Variants in CLASP2 observed in about 807,000 individuals in gnomAD.
The protein encoded by CLASP2 is CLIP-associating protein 2.
Under a neutral mutation model 194.4 loss-of-function variants are expected in CLASP2, and 47 were observed. The ratio of observed to expected loss-of-function variants is 0.24; its 90% CI spans 0.19 to 0.31. CLASP2 has a LOEUF of 0.31. Ranked by LOEUF, CLASP2 falls within the 10% of genes least tolerant of loss-of-function variation. CLASP2 has a pLI of 1.00. For synonymous variants in CLASP2, 619 were observed against 633.5 expected, an observed-to-expected ratio of 0.98 and a Z score of 0.34; for missense variants, 1,445 against 1,823.6, an observed-to-expected ratio of 0.79 and a Z score of 3.78.
At chr3:33,562,107 T>G (rs1305021265) in intron 27 of CLASP2, among the ~76,000 whole-genome samples, 1 of 152,210 alleles carries the variant, frequency 6.6e-6, no homozygotes, top group Non-Finnish European at 1.5e-5. Context: ...ACATTTAAAC[T>G]GAGTTAAAAA....
chr3:33,595,617 T>G (rs1437335804), intron 19 of CLASP2, among the ~76,000 whole-genome samples: 6 of 152,092 alleles, frequency 3.9e-5, no homozygotes, highest in African/African-American at 1.4e-4. Context: ...TGTATTTTTT[T>G]TAAACATAGG....
At chr3:33,575,967 G>A (rs1044246323) in intron 24 of CLASP2, among the ~76,000 whole-genome samples, 1 of 152,140 alleles carries the variant, frequency 6.6e-6, no homozygotes, top group African/African-American at 2.4e-5. Flanking sequence ...TAGGCCATCA[G>A]TAATACTGGC....
intron 6 of CLASP2, among the ~76,000 whole-genome samples, chr3:33,672,889 A>G (rs1463387063): frequency 1.3e-5 from 2 of 152,304 alleles, no homozygotes; most frequent in Non-Finnish European, 2.9e-5. Context: ...GGAAGTTTAG[A>G]GAAAAAAGAA....
intron 7 of CLASP2, among the ~76,000 whole-genome samples, chr3:33,647,733 T>C (rs1217522324): frequency 6.6e-6 from 1 of 152,144 alleles, no homozygotes; most frequent in Non-Finnish European, 1.5e-5. Context: ...CTAGGCTAAC[T>C]ACTAAAAGAA....
chr3:33,530,759 C>T (rs967938639), intron 34 of CLASP2, among the ~76,000 whole-genome samples: 18 of 152,130 alleles, frequency 1.2e-4, no homozygotes, highest in Non-Finnish European at 2.4e-4. Context: ...CATGGCTGTA[C>T]ATCGGAATTA....
chr3:33,623,820 G>GTTTTAT (rs1322401540), intron 10 of CLASP2, among the ~76,000 whole-genome samples: 2 of 151,970 alleles, frequency 1.3e-5, no homozygotes, highest in Non-Finnish European at 2.9e-5. Context: ...TCATATTGTG[G>GTTTTAT]TTTTATTTTT....
rs530462971 is a variant in CLASP2 at position 33,581,821 on chromosome 3, C to T, written c.2347G>A (p.Gly783Ser). The stretch of plus-strand genomic sequence containing the variant: ...ACATAACACCTGCCCGAATACGTAC[C>T]GAGGGGCTGAAAAGAGCGAACAGGA... Reference protein sequence around the residue: ...TSPVRSFQPLGPGYGISQSSR... With the variant: ...TSPVRSFQPLSPGYGISQSSR... Residue 783 changes from glycine to serine, a missense_variant and splice_region_variant, in exon 23 of 39, where the codon GGT (glycine) becomes AGT (serine). Coordinates refer to ENST00000682230, the MANE Select transcript of CLASP2 (RefSeq NM_001365631.1). The T allele has an allele frequency of 2.2e-5, 35 of 1,610,528 alleles. No individual in the cohort carries two copies. The highest frequency in any genetic ancestry group is 2.7e-5 in the African/African-American group (2 of 74,956).
Position 33,535,399 on chromosome 3 carries a change from T to C in CLASP2, c.3621A>G (p.Gln1207=). Residue 1207 remains glutamine, a synonymous_variant, in exon 34 of 39, where the codon CAA becomes CAG. Coordinates refer to ENST00000682230, the MANE Select transcript of CLASP2 (RefSeq NM_001365631.1). ...ATGAAGCTTTATTATCAAGAGCTGTTTGACTTGAGTCAGTAGCATCACCTC... is the reference window on the plus strand; with the variant it reads ...ATGAAGCTTTATTATCAAGAGCTGTCTGACTTGAGTCAGTAGCATCACCTC... ...RAGGDATDSS[Q]TALDNKASLL... is the part of the protein sequence containing the mutation. 1 of 1,613,986 alleles carries C rather than the reference T, an allele frequency of 6.2e-7. No homozygotes were observed. The highest frequency in any genetic ancestry group is 8.5e-7 in the Non-Finnish European group (1 of 1,179,886).
chr3:33,622,709 CA>C (rs1361746367), intron 10 of CLASP2, among the ~76,000 whole-genome samples: 16 of 152,098 alleles, frequency 1.1e-4, no homozygotes, highest in African/African-American at 3.6e-4. Context: ...AGTGCATTCA[CA>C]ATGTTGTGTG....
intron 34 of CLASP2, among the ~76,000 whole-genome samples, chr3:33,527,430 T>C (rs1295615630): frequency 2.0e-5 from 3 of 152,184 alleles, no homozygotes; most frequent in Admixed American, 2.0e-4. Flanking sequence ...ACTGATTCCC[T>C]GAACAGACTA....
At chr3:33,525,886 C>A (rs542376091) in intron 34 of CLASP2, among the ~76,000 whole-genome samples, 1 of 152,324 alleles carries the variant, frequency 6.6e-6, no homozygotes, top group Non-Finnish European at 1.5e-5. Flanking sequence ...TCCAGACAGC[C>A]ACCGTTAACG....
At position 33,696,947 on chromosome 3, in the gene CLASP2, G is replaced by T; in HGVS notation, c.196-14C>A. On this transcript the variant is annotated splice_polypyrimidine_tract_variant and intron_variant, in intron 1 of 38. Transcript: ENST00000682230. ...CATTAATGATACCTACAGATAAAAA[G>T]GGATTTTAATGAATATAAATTACTG... The T allele has an allele frequency of 1.4e-6, 2 of 1,473,300 alleles. No individual in the cohort carries two copies. Among genetic ancestry groups the T allele is most frequent in the Non-Finnish European group, 1.9e-6 (2 of 1,070,764 alleles). 91.3% of individuals were successfully genotyped at this position (1,473,300 alleles called of 1,614,324 possible).
In CLASP2 at chr3:33,632,374, G is replaced by A; in HGVS notation, c.863-3C>T. On this transcript the variant is annotated splice_polypyrimidine_tract_variant and splice_region_variant and intron_variant, in intron 8 of 38. Transcript: ENST00000682230. ...AGCACCTCCTTCCTTAGAAGCACCT[G>A]CTAATTAAAAGGAAATTAATTTCCT... 2 of 1,583,024 alleles carry A rather than the reference G, an allele frequency of 1.3e-6. No homozygotes were observed. The highest frequency in any genetic ancestry group is 1.7e-6 in the Non-Finnish European group (2 of 1,165,326).
chr3:33,668,718 CCA>C (rs1037192515), intron 6 of CLASP2, among the ~76,000 whole-genome samples: 4 of 152,086 alleles, frequency 2.6e-5, no homozygotes, highest in Non-Finnish European at 5.9e-5. Flanking sequence ...GCTCACGTAC[CCA>C]GAGTCCTCCA....
intron 30 of CLASP2, among the ~76,000 whole-genome samples, chr3:33,548,240 A>C (rs967187670): frequency 1.3e-5 from 2 of 152,186 alleles, no homozygotes; most frequent in African/African-American, 4.8e-5. Flanking sequence ...TAAGTCTTTA[A>C]ATCAAATACT....
intron 1 of CLASP2, among the ~76,000 whole-genome samples, chr3:33,710,013 A>G (rs1357897187): frequency 6.6e-6 from 1 of 152,232 alleles, no homozygotes; most frequent in East Asian, 1.9e-4. Flanking sequence ...GGATGAAACA[A>G]TATGATATCT....
chr3:33,642,403 C>T (rs189951882), intron 8 of CLASP2, among the ~76,000 whole-genome samples: 1 of 151,782 alleles, frequency 6.6e-6, no homozygotes, highest in Admixed American at 6.6e-5. Flanking sequence ...ATGAATAGTG[C>T]CACTTTTGTT....
At chr3:33,505,603 T>A (rs1435098693) in intron 37 of CLASP2, among the ~76,000 whole-genome samples, 3 of 152,128 alleles carry the variant, frequency 2.0e-5, no homozygotes, top group Non-Finnish European at 2.9e-5. Context: ...TATGAAGTGA[T>A]TTTCAGTGGC....
At chr3:33,665,224 T>C (rs1259046857) in intron 6 of CLASP2, among the ~76,000 whole-genome samples, 1 of 152,070 alleles carries the variant, frequency 6.6e-6, no homozygotes, top group Non-Finnish European at 1.5e-5. Context: ...GTAAAAACTT[T>C]AGGACAGAAA....
Sources: allele counts gnomAD v4.1 joint callset (sites outside exome capture counted in the v4.1 genomes callset), GRCh38; gene constraint gnomAD v4.1.1; transcripts MANE v1.5; gene names NCBI Gene and HGNC (gene_info 2026-07-23, HGNC 2026-07-21).